FECH: variants seen among roughly 807,000 people sequenced by gnomAD.
The protein encoded by FECH is ferrochelatase.
FECH carries 40 observed loss-of-function variants against 56.9 expected under a neutral mutation model. That is an observed-to-expected ratio of 0.70 (90% CI 0.55 to 0.92). The LOEUF is 0.92. Among genes scored for constraint, FECH ranks in the 40% least tolerant of loss-of-function variants. FECH has a pLI of 0.00. For missense variants in FECH, 431 were observed against 529.1 expected (o/e 0.81, Z 1.82); for synonymous variants, 175 against 198.6 (o/e 0.88, Z 1.00).
At chr18:57,572,677 T>C (rs1458772684) in intron 3 of FECH, among the ~76,000 whole-genome samples, 1 of 151,590 alleles carries the variant, frequency 6.6e-6, no homozygotes, top group Non-Finnish European at 1.5e-5. Context: ...GGACTATTTC[T>C]GGATGTAACA....
chr18:57,580,005 G>C (rs752172743), intron 2 of FECH, 68 bp downstream of exon 2: 2 of 1,604,412 alleles, frequency 1.2e-6, no homozygotes, highest in East Asian at 4.5e-5. Flanking sequence ...CTCCCAGGCA[G>C]CTTGTGTCTA....
intron 6 of FECH, among the ~76,000 whole-genome samples, chr18:57,561,646 G>A (rs541639295): frequency 1.6e-4 from 24 of 152,208 alleles, no homozygotes; most frequent in Middle Eastern, 3.4e-3. Context: ...CCTTTCCATC[G>A]TTTTGCTTCC....
chr18:57,563,165 C>T (rs1213306982), intron 5 of FECH, among the ~76,000 whole-genome samples, 185 bp from the exon 6 acceptor site: 1 of 152,158 alleles, frequency 6.6e-6, no homozygotes, highest in East Asian at 1.9e-4. Flanking sequence ...ATGAAGATCA[C>T]TAAAAAGCAA....
intron 4 of FECH, among the ~76,000 whole-genome samples, chr18:57,571,043 C>T (rs1203434601): frequency 6.6e-6 from 1 of 152,230 alleles, no homozygotes; most frequent in East Asian, 1.9e-4. Flanking sequence ...CAGCCTCAAT[C>T]CATTTCCCAA....
intron 2 of FECH, among the ~76,000 whole-genome samples, chr18:57,575,961 C>T (rs951754717): frequency 2.0e-5 from 3 of 152,110 alleles, no homozygotes; most frequent in Non-Finnish European, 2.9e-5. Flanking sequence ...CTCATTTAGA[C>T]CCCATTATAA....
chr18:57,581,419 A>G (rs1050783035), intron 1 of FECH, among the ~76,000 whole-genome samples: 2 of 152,210 alleles, frequency 1.3e-5, no homozygotes, highest in African/African-American at 4.8e-5. Flanking sequence ...AGTACTGAAG[A>G]TGGCCATGTG....
chr18:57,573,514 G>A (rs1404493651), intron 2 of FECH, 149 bp from the exon 3 acceptor site: 7 of 915,334 alleles, frequency 7.6e-6, no homozygotes, highest in East Asian at 5.0e-5. Flanking sequence ...ATACCTATTC[G>A]GGGACATCTG....
At chr18:57,578,032 G>A (rs2051207915) in intron 2 of FECH, among the ~76,000 whole-genome samples, 1 of 152,012 alleles carries the variant, frequency 6.6e-6, no homozygotes, top group South Asian at 2.1e-4. Flanking sequence ...AAGTTACTTA[G>A]TAGAATTTAA....
chr18:57,565,546 C>T (rs765632606), intron 5 of FECH, among the ~76,000 whole-genome samples: 9 of 146,436 alleles, frequency 6.1e-5, no homozygotes, highest in Admixed American at 2.7e-4. Context: ...ATGGAGGTTG[C>T]AATGACAGAG....
intron 3 of FECH, 177 bp from the exon 4 acceptor site, chr18:57,571,717 G>C: frequency 1.2e-6 from 1 of 808,764 alleles, no homozygotes; most frequent in Non-Finnish European, 1.9e-6. Context: ...GTAGAATAAG[G>C]AGCTAAAGCT....
intron 5 of FECH, 81 bp downstream of exon 5, chr18:57,566,366 C>T (rs942373792): frequency 1.3e-6 from 2 of 1,591,026 alleles, no homozygotes; most frequent in African/African-American, 2.7e-5. Context: ...AATAATTCAT[C>T]CTTCCCTTCA....
chr18:57,570,337 T>C (rs1470750421), intron 4 of FECH, among the ~76,000 whole-genome samples: 1 of 152,196 alleles, frequency 6.6e-6, no homozygotes, highest in Non-Finnish European at 1.5e-5. Context: ...GAGCCACAGC[T>C]TTAAGCAGGA....
chr18:57,568,929 G>T (rs1646599), intron 4 of FECH, among the ~76,000 whole-genome samples: 62,724 of 151,918 alleles, frequency 0.41, 13,250 homozygotes, highest in East Asian at 0.61. Context: ...CAGGATTATC[G>T]CATTTAATTT....
chr18:57,561,090 T>C (rs929152159), intron 6 of FECH, among the ~76,000 whole-genome samples: 3 of 152,180 alleles, frequency 2.0e-5, no homozygotes. Flanking sequence ...AGGATTATTT[T>C]TGGACCTCAG....
At chr18:57,577,623 A>C (rs1196798981) in intron 2 of FECH, among the ~76,000 whole-genome samples, 1 of 152,134 alleles carries the variant, frequency 6.6e-6, no homozygotes, top group Non-Finnish European at 1.5e-5. Flanking sequence ...TGACTTAATA[A>C]AATACTCTTC....
chr18:57,577,625 A>G (rs1459288464), intron 2 of FECH, among the ~76,000 whole-genome samples: 1 of 152,086 alleles, frequency 6.6e-6, no homozygotes, highest in Non-Finnish European at 1.5e-5. Context: ...ACTTAATAAA[A>G]TACTCTTCAG....
In FECH at chr18:57,549,686, TATG is replaced by T. The variant is rs2050771063; in HGVS notation, c.*1023_*1025del. 4 of 152,220 alleles carry T rather than the reference TATG, an allele frequency of 2.6e-5. No homozygotes were observed. Among genetic ancestry groups the T allele is most frequent in the Non-Finnish European group, 5.9e-5 (4 of 68,040 alleles). 9.4% of individuals were successfully genotyped at this position (152,220 alleles called of 1,614,324 possible). Reference sequence around the variant, plus strand: ...AAAGGACTACCACGAAATACAATATTATGATAACAGTTATTGCATTAAAGTGGT... The same window carrying T: ...AAAGGACTACCACGAAATACAATATTATAACAGTTATTGCATTAAAGTGGT... On this transcript the variant is annotated 3_prime_UTR_variant, in exon 11 of 11. Transcript: ENST00000262093.
At position 57,546,213 on chromosome 18, in the gene FECH, G is replaced by A. The variant is rs925883684; in HGVS notation, c.*4499C>T. On this transcript the variant is annotated 3_prime_UTR_variant, in exon 11 of 11. Coordinates refer to ENST00000262093, the MANE Select transcript of FECH (RefSeq NM_000140.5). ...TTCAGGTGAGGTGAGAAGGTTAAGA[G>A]GTGAATTGGAGGTTCTTGGCTGATG... 3.3e-5 allele frequency among the ~76,000 whole-genome samples: 5 copies of A among 152,202 alleles called. No individual in the cohort carries two copies. The highest frequency in any genetic ancestry group is 7.3e-5 in the Non-Finnish European group (5 of 68,036).
At chr18:57,562,814 A>T (rs556760767) in intron 6 of FECH, 60 bp downstream of exon 6, 8 of 1,332,956 alleles carry the variant, frequency 6.0e-6, no homozygotes, top group Non-Finnish European at 7.6e-6. Context: ...CCCAGAAGGG[A>T]TGAGAAGCTG....
Sources: gnomAD v4.1 joint callset for allele counts (sites outside exome capture counted in the v4.1 genomes callset) on GRCh38, gnomAD v4.1.1 for gene constraint, MANE v1.5 for transcripts, NCBI Gene and HGNC (gene_info 2026-07-23, HGNC 2026-07-21) for gene names.